Variants in VSX2 observed in about 807,000 individuals in gnomAD.
VSX2 encodes the protein visual system homeobox 2, also known as ceh-10 homeo domain containing homolog.
VSX2 carries 28 observed loss-of-function variants against 32.1 expected under a neutral mutation model. That is an observed-to-expected ratio of 0.87 (90% confidence interval 0.65 to 1.20). The LOEUF is 1.20. Ranked by LOEUF, VSX2 falls within the 50% of genes most tolerant of loss-of-function variation. The probability of loss-of-function intolerance (pLI) is 0.00; values close to 1 mark genes in which losing one functional copy is unlikely to be tolerated. For missense variants in VSX2, 506 were observed against 488.7 expected (o/e 1.04, Z -0.33); for synonymous variants, 243 against 214.1 (o/e 1.14, Z -1.18).
At position 74,260,871 on chromosome 14, in the gene VSX2, C is replaced by T; in HGVS notation, c.1038C>T (p.Asp346=). The change falls in exon 5 of 5, where the codon GAC becomes GAT. Residue 346 remains aspartate (D), a synonymous_variant. Transcript: ENST00000261980. Reference sequence around the variant, plus strand: ...AGGAGGAGGAGGCCATGGATGAAGACAGGCCGGCGGAGAGGCTCAGTCCAC... The same window carrying T: ...AGGAGGAGGAGGCCATGGATGAAGATAGGCCGGCGGAGAGGCTCAGTCCAC... ...KPEEEEAMDE[D]RPAERLSPPQ... is the part of the protein sequence containing the mutation. 6.4e-7 allele frequency: 1 copy of T among 1,568,208 alleles called. No individual in the cohort carries two copies. The highest frequency in any genetic ancestry group is 8.6e-7 in the Non-Finnish European group (1 of 1,157,024).
rs974448290 is a variant in VSX2, at chr14:74,261,043, G to A, written c.*124G>A. 1 of 1,178,054 alleles carries A rather than the reference G, an allele frequency of 8.5e-7. No individual in the cohort carries two copies. The highest frequency in any genetic ancestry group is 1.5e-5 in the African/African-American group (1 of 65,894). The allele number at this position is 1,178,054 out of a possible 1,614,324, so 73.0% of individuals were successfully genotyped here. A position where few individuals can be genotyped will look rare whatever the true frequency, so the allele number is the denominator to read the frequency against. ...CTGCCATCCTCCCTGTTCCCCACAG[G>A]TCCTCCATCACCCCTGGTGGCTGCA... On this transcript the variant is annotated 3_prime_UTR_variant, in exon 5 of 5. Transcript: ENST00000261980.
In VSX2 at chr14:74,241,168, C is replaced by A. The variant is rs750778630; in HGVS notation, c.371-14C>A. On this transcript the variant is annotated splice_polypyrimidine_tract_variant and intron_variant, in intron 1 of 4. Coordinates refer to ENST00000261980, the MANE Select transcript of VSX2 (RefSeq NM_182894.3). ...TCCCCCACTCTGCCGCATGTCCCTA[C>A]GCCCGCTTTTCAGATTCTGAAGATG... The A allele has an allele frequency of 6.8e-6, 11 of 1,612,542 alleles. No individual in the cohort carries two copies. The highest frequency in any genetic ancestry group is 8.5e-6 in the Non-Finnish European group (10 of 1,179,764).
At chr14:74,244,911 T>A (rs1566884373) in intron 2 of VSX2, among the ~76,000 whole-genome samples, 3 of 113,820 alleles carry the variant, frequency 2.6e-5, no homozygotes, top group Non-Finnish European at 3.7e-5. Flanking sequence ...TGTGTGTGTG[T>A]GTGTGTGTGT....
At chr14:74,244,921 T>TGAGAGAGAGA (rs1284411032) in intron 2 of VSX2, among the ~76,000 whole-genome samples, 1 of 36,928 alleles carries the variant, frequency 2.7e-5, no homozygotes, top group African/African-American at 6.2e-5. Flanking sequence ...TGTGTGTGTG[T>TGAGAGAGAGA]GTGTGTGTGA....
chr14:74,258,013 T>G (rs1305968277), intron 3 of VSX2, among the ~76,000 whole-genome samples: 2 of 151,972 alleles, frequency 1.3e-5, no homozygotes, highest in East Asian at 3.9e-4. Flanking sequence ...CGAGCCCGCA[T>G]GCATTTCCGC....
Position 74,239,649 on chromosome 14 carries a change from A to C in VSX2, c.88A>C (p.Thr30Pro), listed in dbSNP as rs1021777049. The change falls in exon 1 of 5, where the codon ACT (threonine) becomes CCT (proline). Residue 30 changes from threonine (T) to proline (P), a missense_variant. Physicochemically the swap from Thr to Pro is conservative, Grantham distance 38. Coordinates refer to ENST00000261980, the MANE Select transcript of VSX2 (RefSeq NM_182894.3). Reference sequence around the variant, plus strand: ...CTCGGGGGGCGCCCCGGCCAGGTGCACTGGGTTCGGCATCCAGGAGATCCT... The same window carrying C: ...CTCGGGGGGCGCCCCGGCCAGGTGCCCTGGGTTCGGCATCCAGGAGATCCT... ...STSGGAPARCTGFGIQEILGL... is the reference protein window; with the variant it reads ...STSGGAPARCPGFGIQEILGL... The C allele has an allele frequency of 1.3e-6, 2 of 1,550,892 alleles. No homozygotes were observed. The highest frequency in any genetic ancestry group is 1.7e-6 in the Non-Finnish European group (2 of 1,146,946).
rs1273541384 is a variant in VSX2, at chr14:74,245,267, G to A, written c.558G>A (p.Glu186=). The A allele has an allele frequency of 1.2e-6, 2 of 1,613,486 alleles. No homozygotes were observed. The highest frequency in any genetic ancestry group is 4.5e-5 in the East Asian group (2 of 44,822). ...YAREMLAMKT[E]LPEDRIQVWF... is the part of the protein sequence containing the mutation. The stretch of plus-strand genomic sequence containing the variant: ...GGGAGATGCTGGCCATGAAAACGGA[G>A]CTGCCGGAAGACAGGATACAGGTAA... The change falls in exon 3 of 5, where the codon GAG becomes GAA. Residue 186 remains glutamate (E), a synonymous_variant. Transcript: ENST00000261980.
chr14:74,254,171 A>G (rs112019218), intron 3 of VSX2, among the ~76,000 whole-genome samples: 2,954 of 152,036 alleles, frequency 0.019, 105 homozygotes, highest in African/African-American at 0.066. Flanking sequence ...GCAATTTGGG[A>G]GGCCAAGGCG....
At chr14:74,253,968 A>G (rs1205909456) in intron 3 of VSX2, among the ~76,000 whole-genome samples, 3 of 152,000 alleles carry the variant, frequency 2.0e-5, no homozygotes, top group Non-Finnish European at 2.9e-5. Flanking sequence ...AAAGAAATGC[A>G]CTCATAGCCA....
chr14:74,246,565 GT>G (rs1172294543), intron 3 of VSX2, among the ~76,000 whole-genome samples: 2 of 152,232 alleles, frequency 1.3e-5, no homozygotes, highest in East Asian at 3.8e-4. Flanking sequence ...ACCCAATTGG[GT>G]TCTTGTGAGG....
rs1017445127 is a variant in VSX2, at chr14:74,239,725, G to A, written c.164G>A (p.Gly55Asp). ...PSSHPRAALDGLAPGHLLAAR... is the reference protein window; with the variant it reads ...PSSHPRAALDDLAPGHLLAAR... ...TCCCACCCGCGGGCAGCGCTCGACG[G>A]CCTGGCCCCCGGGCACTTGCTGGCG... Residue 55 changes from glycine to aspartate, a missense_variant, in exon 1 of 5, where the codon GGC becomes GAC. By Grantham distance (94) the Gly-to-Asp change is moderately conservative. Coordinates refer to ENST00000261980, the MANE Select transcript of VSX2 (RefSeq NM_182894.3). The A allele has an allele frequency of 1.0e-5, 16 of 1,549,200 alleles. No individual in the cohort carries two copies. Among genetic ancestry groups the A allele is most frequent in the Non-Finnish European group, 1.4e-5 (16 of 1,146,682 alleles).
rs2079133577 is a variant in VSX2 at position 74,239,467 on chromosome 14, G to A, written c.-95G>A. Reference sequence around the variant, plus strand: ...GCTCCAGAGCATTAGACACCGGAGGGGGCACCTGGGACCAACTTCGCGAAG... The same window carrying A: ...GCTCCAGAGCATTAGACACCGGAGGAGGCACCTGGGACCAACTTCGCGAAG... On this transcript the variant is annotated 5_prime_UTR_variant, in exon 1 of 5. Transcript: ENST00000261980. 6.6e-7 allele frequency: 1 copy of A among 1,519,544 alleles called. No individual in the cohort carries two copies. The highest frequency in any genetic ancestry group is 8.9e-7 in the Non-Finnish European group (1 of 1,121,682). 94.1% of individuals were successfully genotyped at this position (1,519,544 alleles called of 1,614,324 possible).
chr14:74,247,502 G>T lies in VSX2; in HGVS notation c.579+2214G>T, dbSNP rs10133037. On this transcript the variant is annotated intron_variant, in intron 3 of 4. Coordinates refer to ENST00000261980, the MANE Select transcript of VSX2 (RefSeq NM_182894.3). ...CTGGCACGTGCCCCCAGCTCACTCG[G>T]TGTCAGATCTGATCTTATTAAGTCC... Among the ~76,000 whole-genome samples the T allele has an allele frequency of 5.7e-3, 869 of 152,310 alleles. 8 individuals carry two copies. The highest frequency in any genetic ancestry group is 0.02 in the African/African-American group (815 of 41,568).
In VSX2 at chr14:74,252,222, A is replaced by C. The variant is rs2139640419; in HGVS notation, c.579+6934A>C. Among the ~76,000 whole-genome samples, 3 of 152,326 alleles carry C rather than the reference A, an allele frequency of 2.0e-5. 1 individual carries two copies. The South Asian group carries it at 6.2e-4, about 32-fold the overall frequency. ...TTGCCCACGTCGAGAAAGAGCTGAC[A>C]GGGTTTCCTGGCCTGCTAGCTGTGC... On this transcript the variant is annotated intron_variant, in intron 3 of 4. Coordinates refer to ENST00000261980, the MANE Select transcript of VSX2 (RefSeq NM_182894.3).
intron 3 of VSX2, among the ~76,000 whole-genome samples, chr14:74,256,033 A>C (rs1198826758): frequency 2.0e-5 from 3 of 152,126 alleles, no homozygotes; most frequent in African/African-American, 7.2e-5. Flanking sequence ...TTTTTTCTTA[A>C]ATCCAAAACA....
At chr14:74,251,903 A>T (rs1027604936) in intron 3 of VSX2, among the ~76,000 whole-genome samples, 1 of 152,176 alleles carries the variant, frequency 6.6e-6, no homozygotes, top group African/African-American at 2.4e-5. Context: ...GACTGGGGGA[A>T]AGTGATGGAC....
intron 1 of VSX2, 79 bp from the exon 2 acceptor site, chr14:74,241,103 G>T (rs947957586): frequency 5.4e-6 from 8 of 1,488,944 alleles, no homozygotes; most frequent in South Asian, 1.1e-5. Flanking sequence ...GAGGCAGCCC[G>T]GGGTGGGGCC....
In VSX2 at chr14:74,258,564, CGAGAA is replaced by C. The variant is rs148024068; in HGVS notation, c.580-1036_580-1032del. Among the ~76,000 whole-genome samples, 336 of 152,210 alleles carry C rather than the reference CGAGAA, an allele frequency of 2.2e-3. 10 individuals are homozygous for C. In the East Asian group the frequency reaches 0.052, roughly 24 times the overall value. On this transcript the variant is annotated intron_variant, in intron 3 of 4. Transcript: ENST00000261980. ...CTGAGCCTTTAAGGACTGTGAGGGG[CGAGAA>C]GGGAACCGCCAGGCTTGGGGCGCAC...
intron 3 of VSX2, among the ~76,000 whole-genome samples, chr14:74,256,347 C>T (rs1477191659): frequency 1.3e-5 from 2 of 152,184 alleles, no homozygotes; most frequent in African/African-American, 4.8e-5. Context: ...AGGAGAATTG[C>T]TTGAATGCGG....
Sources: gnomAD v4.1 joint callset for allele counts (sites outside exome capture counted in the v4.1 genomes callset) on GRCh38, gnomAD v4.1.1 for gene constraint, MANE v1.5 for transcripts, NCBI Gene and HGNC (gene_info 2026-07-23, HGNC 2026-07-21) for gene names.